LPP: variants seen among roughly 807,000 people sequenced by gnomAD.
The protein encoded by LPP is lipoma-preferred partner.
LPP carries 38 observed loss-of-function variants against 60.4 expected under a neutral mutation model. The observed-to-expected ratio is 0.63, with a 90% CI of 0.49 to 0.83. The LOEUF is 0.83. LPP is among the 40% of genes least tolerant of loss of function. The pLI is 0.00. For synonymous variants in LPP, 328 were observed against 290.8 expected, an observed-to-expected ratio of 1.13 and a Z score of -1.30; for missense variants, 902 against 783.6, an observed-to-expected ratio of 1.15 and a Z score of -1.80.
In LPP at chr3:188,532,279, G is replaced by T. The variant is rs558693140; in HGVS notation, c.429+7492G>T. Reference sequence around the variant, plus strand: ...CAAACAAACAAACAAACAAAACTTAGCTGGGGGTGGTGGCATGCACCTGTA... The same window carrying T: ...CAAACAAACAAACAAACAAAACTTATCTGGGGGTGGTGGCATGCACCTGTA... On this transcript the variant is annotated intron_variant, in intron 6 of 11. Transcript: ENST00000617246. Among the ~76,000 whole-genome samples the T allele has an allele frequency of 2.0e-5, 3 of 150,398 alleles. No homozygotes were observed. In the East Asian group the frequency reaches 5.8e-4, roughly 29 times the overall value.
At chr3:188,582,906 C>T (rs980431551) in intron 6 of LPP, among the ~76,000 whole-genome samples, 15 of 152,166 alleles carry the variant, frequency 9.9e-5, no homozygotes, top group South Asian at 2.1e-4. Flanking sequence ...ATTTCTGCTG[C>T]GGTACGTGAT....
At chr3:188,276,070 T>A (rs1354257271) in intron 2 of LPP, among the ~76,000 whole-genome samples, 1 of 152,200 alleles carries the variant, frequency 6.6e-6, no homozygotes, top group East Asian at 1.9e-4. Context: ...CTTTAAAAAA[T>A]GATTTGGCAA....
chr3:188,613,274 CTA>C (rs748142362), intron 7 of LPP, among the ~76,000 whole-genome samples: 1 of 137,482 alleles, frequency 7.3e-6, no homozygotes, highest in African/African-American at 2.7e-5. Context: ...ATATCTATAT[CTA>C]TATCTATATC....
intron 2 of LPP, among the ~76,000 whole-genome samples, chr3:188,324,530 A>G (rs556401616): frequency 1.1e-3 from 163 of 152,146 alleles, no homozygotes; most frequent in African/African-American, 3.7e-3. Context: ...TCATTTAACT[A>G]CTTCTCCTGC....
intron 9 of LPP, among the ~76,000 whole-genome samples, chr3:188,826,469 A>T (rs1755527227): frequency 6.6e-6 from 1 of 152,218 alleles, no homozygotes; most frequent in African/African-American, 2.4e-5. Context: ...GTATACAAGG[A>T]GAGATGTGCA....
intron 2 of LPP, among the ~76,000 whole-genome samples, chr3:188,305,584 A>AAC (rs1190808201): frequency 6.6e-6 from 1 of 152,054 alleles, no homozygotes; most frequent in African/African-American, 2.4e-5. Context: ...TTCTCAACGC[A>AAC]ACACACACAC....
In LPP at chr3:188,352,378, C is replaced by T. The variant is rs1766118614; in HGVS notation, c.-10+10659C>T. Among the ~76,000 whole-genome samples the T allele has an allele frequency of 6.6e-6, 1 of 152,154 alleles. No individual in the cohort carries two copies. Among genetic ancestry groups the T allele is most frequent in the African/African-American group, 2.4e-5 (1 of 41,430 alleles). On this transcript the variant is annotated intron_variant, in intron 3 of 11. Transcript: ENST00000617246. The surrounding 1 kb of genome is among the most constrained non-coding windows in gnomAD (Gnocchi z 4.4). The stretch of plus-strand genomic sequence containing the variant: ...GTGTTGCCATGACACTCCTTGGGCT[C>T]TGTTTAGATCAGCTATTTTCTGAAG...
At chr3:188,853,352 C>T (rs968568988) in intron 9 of LPP, among the ~76,000 whole-genome samples, 2 of 152,170 alleles carry the variant, frequency 1.3e-5, no homozygotes, top group African/African-American at 4.8e-5. Context: ...TAACACTATA[C>T]TTGGGTTCTC....
chr3:188,381,845 T>C (rs1026403123), intron 3 of LPP, among the ~76,000 whole-genome samples: 2 of 152,156 alleles, frequency 1.3e-5, no homozygotes, highest in African/African-American at 4.8e-5. Context: ...TATATATATG[T>C]ATAGAGTCTT....
intron 7 of LPP, among the ~76,000 whole-genome samples, chr3:188,681,803 A>G (rs939911659): frequency 3.3e-5 from 5 of 152,198 alleles, no homozygotes; most frequent in Non-Finnish European, 5.9e-5. Context: ...TATTTTCACC[A>G]CTATCCTGAT....
rs770473233 is a variant in LPP at position 188,882,907 on chromosome 3, T to G, written c.*8428T>G. 1.7e-5 allele frequency: 3 copies of G among 181,638 alleles called. No individual in the cohort carries two copies. Among genetic ancestry groups the G allele is most frequent in the Non-Finnish European group, 3.5e-5 (3 of 85,326 alleles). The allele number at this position is 181,638 out of a possible 1,614,324, so 11.3% of individuals were successfully genotyped here. On this transcript the variant is annotated 3_prime_UTR_variant, in exon 12 of 12. Coordinates refer to ENST00000617246, the MANE Select transcript of LPP (RefSeq NM_001375462.1). ...ACGCCCGCCACCGCGCCCAGCTAAT[T>G]TTTTTTGTACTTTTAGTAGAGACGG... is the stretch of plus-strand genomic sequence containing the variant.
chr3:188,720,266 A>G (rs560696771), intron 8 of LPP, among the ~76,000 whole-genome samples: 2 of 152,318 alleles, frequency 1.3e-5, no homozygotes, highest in African/African-American at 2.4e-5. Flanking sequence ...TTGAGTGCCT[A>G]CTACTCACCA....
At chr3:188,606,181 G>C (rs1208568069) in intron 6 of LPP, among the ~76,000 whole-genome samples, 2 of 152,166 alleles carry the variant, frequency 1.3e-5, no homozygotes, top group Non-Finnish European at 2.9e-5. Context: ...TAGAGGAGAT[G>C]ACGGCTCTGC....
intron 9 of LPP, among the ~76,000 whole-genome samples, chr3:188,823,628 G>A (rs140056222): frequency 7.7e-4 from 118 of 152,258 alleles, no homozygotes; most frequent in African/African-American, 2.7e-3. Context: ...ATCTATAACT[G>A]CTTTAGTATA....
intron 5 of LPP, among the ~76,000 whole-genome samples, chr3:188,507,493 A>G (rs1159694261): frequency 6.6e-6 from 1 of 151,974 alleles, no homozygotes; most frequent in Non-Finnish European, 1.5e-5. Flanking sequence ...TGTAGTGAAA[A>G]TAGTTACTCA....
chr3:188,369,199 G>A lies in LPP; in HGVS notation c.-10+27480G>A, dbSNP rs149008229. Among the ~76,000 whole-genome samples the A allele has an allele frequency of 5.3e-3, 812 of 152,218 alleles. 10 individuals are homozygous for A. Among genetic ancestry groups the A allele is most frequent in the African/African-American group, 0.019 (771 of 41,530 alleles). On this transcript the variant is annotated intron_variant, in intron 3 of 11. Transcript: ENST00000617246. ...CCAAGGTAGATCTTTCTTTCTGCTA[G>A]GTTTAACCTAGTGATAGCAACAAAA...
rs1771124761 is a variant in LPP, at chr3:188,890,460, G to A, written c.*15981G>A. The stretch of plus-strand genomic sequence containing the variant: ...AATAAGAGAATAAAATCTGTTATAA[G>A]CAAGTGATTTAGGTATTTTCTTTTG... On this transcript the variant is annotated 3_prime_UTR_variant, in exon 12 of 12. Coordinates refer to ENST00000617246, the MANE Select transcript of LPP (RefSeq NM_001375462.1). The A allele has an allele frequency of 5.1e-6, 1 of 195,452 alleles. No homozygotes were observed. The highest frequency in any genetic ancestry group is 1.9e-4 in the South Asian group (1 of 5,202). The allele number at this position is 195,452 out of a possible 1,614,324, so 12.1% of individuals were successfully genotyped here.
chr3:188,421,967 T>G (rs1431291503), intron 4 of LPP, among the ~76,000 whole-genome samples: 2 of 152,184 alleles, frequency 1.3e-5, no homozygotes, highest in African/African-American at 4.8e-5. Flanking sequence ...TGAAACTAGT[T>G]CTTCCCTCAC....
At chr3:188,576,751 G>A (rs1834714372) in intron 6 of LPP, among the ~76,000 whole-genome samples, 1 of 152,162 alleles carries the variant, frequency 6.6e-6, no homozygotes, top group Non-Finnish European at 1.5e-5. Flanking sequence ...AGGAGAAGAG[G>A]CTGCATCTTA....
Sources: gnomAD v4.1 joint callset for allele counts (sites outside exome capture counted in the v4.1 genomes callset) on GRCh38, gnomAD v4.1.1 for gene constraint, Gnocchi (gnomAD v3.1) non-coding constraint, MANE v1.5 for transcripts, NCBI Gene and HGNC (gene_info 2026-07-23, HGNC 2026-07-21) for gene names.